DNAAF5: variants seen among roughly 807,000 people sequenced by gnomAD.
DNAAF5 encodes dynein axonemal assembly factor 5.
Under a neutral mutation model 75.8 loss-of-function variants are expected in DNAAF5, and 64 were observed. That is an observed-to-expected ratio of 0.84 (90% CI 0.69 to 1.04). The LOEUF is 1.04. Among genes scored for constraint, DNAAF5 ranks in the 50% least tolerant of loss-of-function variants. DNAAF5 has a pLI of 0.00. For missense variants in DNAAF5, 1,269 were observed against 1,178.5 expected (o/e 1.08, Z -1.12); for synonymous variants, 657 against 557.2 (o/e 1.18, Z -2.52).
In DNAAF5 at chr7:786,145, C is replaced by T. The variant is rs1779138393; in HGVS notation, c.*492C>T. 6.5e-6 allele frequency: 1 copy of T among 153,790 alleles called. No homozygotes were observed. Among genetic ancestry groups the T allele is most frequent in the South Asian group, 2.0e-4 (1 of 4,906 alleles). The allele number at this position is 153,790 out of a possible 1,614,324, so 9.5% of individuals were successfully genotyped here. ...TAAAAGGAATTTAGAATCCTAACAA[C>T]TTATCAGATTTCTCCTGTTTTAAAT... On this transcript the variant is annotated 3_prime_UTR_variant, in exon 13 of 13. Coordinates refer to ENST00000297440, the MANE Select transcript of DNAAF5 (RefSeq NM_017802.4).
intron 4 of DNAAF5, among the ~76,000 whole-genome samples, chr7:748,746 G>A (rs986974580): frequency 7.9e-5 from 12 of 152,182 alleles, no homozygotes; most frequent in Admixed American, 1.3e-4. Context: ...ACCCAGAGGC[G>A]GTGAGCCAGG....
chr7:743,534 C>T (rs1169459857), intron 4 of DNAAF5, among the ~76,000 whole-genome samples: 4 of 141,858 alleles, frequency 2.8e-5, no homozygotes, highest in Non-Finnish European at 6.1e-5. Context: ...CCCCACCCCA[C>T]GCTGCACAGT....
intron 12 of DNAAF5, among the ~76,000 whole-genome samples, chr7:784,539 A>G (rs967537120): frequency 1.3e-5 from 2 of 151,100 alleles, no homozygotes; most frequent in African/African-American, 4.9e-5. Context: ...GACACGCCCA[A>G]CCCTTTCTGG....
intron 2 of DNAAF5, among the ~76,000 whole-genome samples, 185 bp from the exon 3 acceptor site, chr7:740,634 C>T (rs758430974): frequency 1.3e-5 from 2 of 152,214 alleles, no homozygotes; most frequent in Non-Finnish European, 2.9e-5. Flanking sequence ...CTTGGTGGCG[C>T]CCAGGACCCC....
At chr7:735,359 C>CGTTGCTCATATTGTA (rs1399076330) in intron 2 of DNAAF5, among the ~76,000 whole-genome samples, 1 of 147,676 alleles carries the variant, frequency 6.8e-6, no homozygotes, top group Non-Finnish European at 1.5e-5. Flanking sequence ...CTCATGGTGT[C>CGTTGCTCATATTGTA]GTTGCTCATA....
At chr7:764,275 T>C (rs1782754039) in intron 8 of DNAAF5, among the ~76,000 whole-genome samples, 1 of 152,232 alleles carries the variant, frequency 6.6e-6, no homozygotes, top group Admixed American at 6.5e-5. Flanking sequence ...TACGTCTGGA[T>C]TTTGTTGCAG....
At chr7:757,037 C>T (rs952656280) in intron 6 of DNAAF5, 43 bp downstream of exon 6, 1 of 1,549,450 alleles carries the variant, frequency 6.5e-7, no homozygotes, top group African/African-American at 1.4e-5. Context: ...GGAGGAGCCT[C>T]CCCTGCCCGG....
chr7:757,872 A>G (rs896528795), intron 6 of DNAAF5, among the ~76,000 whole-genome samples: 25 of 152,228 alleles, frequency 1.6e-4, no homozygotes, highest in African/African-American at 5.8e-4. Flanking sequence ...CTATGGCCCC[A>G]AAGCTGGCCT....
intron 8 of DNAAF5, among the ~76,000 whole-genome samples, chr7:767,736 A>C (rs1033627120): frequency 4.0e-4 from 60 of 150,860 alleles, no homozygotes; most frequent in African/African-American, 1.4e-3. Context: ...TGCGAGGCGG[A>C]GCTGGCGCTG....
At chr7:778,967 T>C (rs1778850964) in intron 11 of DNAAF5, among the ~76,000 whole-genome samples, 1 of 152,278 alleles carries the variant, frequency 6.6e-6, no homozygotes, top group Non-Finnish European at 1.5e-5. Flanking sequence ...GCTTCCTCCT[T>C]GGTGCCTGTG....
At chr7:767,430 T>C (rs1396685714) in intron 8 of DNAAF5, among the ~76,000 whole-genome samples, 19 of 152,086 alleles carry the variant, frequency 1.2e-4, no homozygotes, top group Admixed American at 1.2e-3. Context: ...AATCTATCCT[T>C]CCAATTCTAA....
chr7:767,928 G>C (rs544214346), intron 8 of DNAAF5, among the ~76,000 whole-genome samples: 1 of 151,240 alleles, frequency 6.6e-6, no homozygotes, highest in South Asian at 2.1e-4. Flanking sequence ...AGTGCTGGGA[G>C]GGCGGACACG....
chr7:780,062 T>C lies in DNAAF5; in HGVS notation c.2349T>C (p.Tyr783=). The part of the protein sequence containing the change: ...CVKGANAKSY[Y]QSSVQYLYRE... ...AGGGTGCCAACGCAAAATCCTACTATCAGAGCAGTGTCCAGTACCTGTACC... is the reference window on the plus strand; with the variant it reads ...AGGGTGCCAACGCAAAATCCTACTACCAGAGCAGTGTCCAGTACCTGTACC... Residue 783 remains tyrosine (Y), a synonymous_variant, in exon 12 of 13, where the codon TAT becomes TAC. Transcript: ENST00000297440. 1 of 1,614,218 alleles carries C rather than the reference T, an allele frequency of 6.2e-7. No individual in the cohort carries two copies. The highest frequency in any genetic ancestry group is 8.5e-7 in the Non-Finnish European group (1 of 1,180,034).
In DNAAF5 at chr7:756,878, G is replaced by A. The variant is rs141689064; in HGVS notation, c.1354G>A (p.Gly452Ser). 1.2e-5 allele frequency: 19 copies of A among 1,613,592 alleles called. No individual in the cohort carries two copies. Among genetic ancestry groups the A allele is most frequent in the African/African-American group, 6.7e-5 (5 of 75,064 alleles). Residue 452 changes from glycine (G) to serine (S), a missense_variant, in exon 6 of 13, where the codon GGC (glycine) becomes AGC (serine). Transcript: ENST00000297440. ...STLKKTPSAS[G>S]LLVLASAMRG... ...GCTGAAGAAGACGCCCTCTGCCTCC[G>A]GCCTCCTGGTGCTGGCCTCCGCCAT...
chr7:773,048 C>T (rs897686559), intron 9 of DNAAF5: 1 of 152,150 alleles, frequency 6.6e-6, no homozygotes, highest in Non-Finnish European at 1.5e-5. Flanking sequence ...GGACCCCACA[C>T]CCTGAAGGCC....
chr7:745,715 C>G (rs1782077374), intron 4 of DNAAF5, among the ~76,000 whole-genome samples: 1 of 152,170 alleles, frequency 6.6e-6, no homozygotes, highest in Non-Finnish European at 1.5e-5. Context: ...ACATGCATAT[C>G]ACACGTACGT....
intron 2 of DNAAF5, among the ~76,000 whole-genome samples, chr7:730,306 G>C (rs1396688165): frequency 6.6e-6 from 1 of 152,202 alleles, no homozygotes; most frequent in Admixed American, 6.5e-5. Flanking sequence ...TACAGATGGG[G>C]CTGAGTGTTG....
chr7:780,044 C>G lies in DNAAF5; in HGVS notation c.2331C>G (p.Ala777=), dbSNP rs766104212. 1 of 1,614,220 alleles carries G rather than the reference C, an allele frequency of 6.2e-7. No individual in the cohort carries two copies. Among genetic ancestry groups the G allele is most frequent in the Non-Finnish European group, 8.5e-7 (1 of 1,180,028 alleles). The change falls in exon 12 of 13, where the codon GCC becomes GCG. Residue 777 remains alanine (A), a synonymous_variant. Coordinates refer to ENST00000297440, the MANE Select transcript of DNAAF5 (RefSeq NM_017802.4). ...LVTWLQCVKG[A]NAKSYYQSSV... ...CCTGGCTGCAGTGTGTCAAGGGTGCCAACGCAAAATCCTACTATCAGAGCA... is the reference window on the plus strand; with the variant it reads ...CCTGGCTGCAGTGTGTCAAGGGTGCGAACGCAAAATCCTACTATCAGAGCA...
chr7:774,418 G>T (rs1423231623), intron 10 of DNAAF5, among the ~76,000 whole-genome samples: 1 of 152,210 alleles, frequency 6.6e-6, no homozygotes, highest in African/African-American at 2.4e-5. Flanking sequence ...GAGCCAGGCC[G>T]CGGGCCCAGC....
Sources: gnomAD v4.1 joint callset for allele counts (sites outside exome capture counted in the v4.1 genomes callset) on GRCh38, gnomAD v4.1.1 for gene constraint, MANE v1.5 for transcripts, NCBI Gene and HGNC (gene_info 2026-07-23, HGNC 2026-07-21) for gene names.